Variants in EML4 observed in about 807,000 individuals in gnomAD.
EML4 encodes the protein EMAP like 4.
In EML4, 72 loss-of-function variants were observed where a neutral mutation model predicts 129.0. The ratio of observed to expected loss-of-function variants is 0.56; its 90% CI spans 0.46 to 0.68. EML4 has a LOEUF of 0.68. Among genes scored for constraint, EML4 ranks in the 30% least tolerant of loss-of-function variants. EML4 has a pLI of 0.00. For synonymous variants in EML4, 532 were observed against 405.0 expected (o/e 1.31, Z -3.77); for missense variants, 1,363 against 1,190.6 (o/e 1.14, Z -2.13).
intron 19 of EML4, among the ~76,000 whole-genome samples, chr2:42,322,315 C>T (rs1156582888): frequency 6.6e-6 from 1 of 152,192 alleles, no homozygotes; most frequent in African/African-American, 2.4e-5. Context: ...TACTTAGAAA[C>T]CACAGGGGAC....
intron 2 of EML4, among the ~76,000 whole-genome samples, chr2:42,250,210 A>G (rs1236759503): frequency 6.6e-6 from 1 of 152,248 alleles, no homozygotes; most frequent in African/African-American, 2.4e-5. Context: ...AGTGTGAAGC[A>G]TTGTAATTGC....
chr2:42,272,598 T>G (rs939883789), intron 6 of EML4, among the ~76,000 whole-genome samples: 6 of 152,216 alleles, frequency 3.9e-5, no homozygotes, highest in Non-Finnish European at 8.8e-5. Flanking sequence ...AGCACAGATT[T>G]CTAACTATGA....
chr2:42,281,108 A>G (rs1666980104), intron 7 of EML4, 135 bp downstream of exon 7: 2 of 751,144 alleles, frequency 2.7e-6, no homozygotes, highest in Admixed American at 3.4e-5. Context: ...AAAAGGAAAC[A>G]TCAGGCCAGG....
intron 1 of EML4, among the ~76,000 whole-genome samples, chr2:42,238,057 C>G (rs1022730468): frequency 6.6e-6 from 1 of 152,106 alleles, no homozygotes; most frequent in Admixed American, 6.6e-5. Flanking sequence ...ATTTCATGCA[C>G]AAAATTATTT....
intron 1 of EML4, among the ~76,000 whole-genome samples, chr2:42,206,325 C>T (rs1219039998): frequency 6.6e-6 from 1 of 152,082 alleles, no homozygotes; most frequent in East Asian, 1.9e-4. Context: ...GTGATCCTCC[C>T]ACCTCAGCCT....
intron 1 of EML4, among the ~76,000 whole-genome samples, chr2:42,213,114 C>T (rs1337866221): frequency 6.6e-6 from 1 of 152,126 alleles, no homozygotes; most frequent in Non-Finnish European, 1.5e-5. Flanking sequence ...TACAGCTTTG[C>T]CCCCACTTCT....
intron 1 of EML4, among the ~76,000 whole-genome samples, chr2:42,211,064 C>G (rs1451218415): frequency 6.6e-6 from 1 of 152,156 alleles, no homozygotes; most frequent in African/African-American, 2.4e-5. Flanking sequence ...CATCCTGTCT[C>G]CTTTGCAACT....
chr2:42,205,795 G>A (rs2103990518), intron 1 of EML4, among the ~76,000 whole-genome samples: 1 of 152,124 alleles, frequency 6.6e-6, no homozygotes, highest in South Asian at 2.1e-4. Flanking sequence ...CCCTAATTTG[G>A]CCCCAGCCTT....
intron 1 of EML4, among the ~76,000 whole-genome samples, chr2:42,228,469 G>C (rs1674117921): frequency 6.6e-6 from 1 of 152,106 alleles, no homozygotes; most frequent in Non-Finnish European, 1.5e-5. Context: ...CATGTTCTTA[G>C]AGCTTGTCAT....
In EML4 at chr2:42,171,811, G is replaced by A. The variant is rs1387760152; in HGVS notation, c.25+2175G>A. Among the ~76,000 whole-genome samples the A allele has an allele frequency of 3.3e-5, 5 of 152,254 alleles. No individual in the cohort carries two copies. The East Asian group carries it at 9.7e-4, about 29-fold the overall frequency. ...TGGGAGCTCTGTGCTTTCTCTTTCTGTCCCCCTTGCAAGAGTAAAACTAGG... is the reference window on the plus strand; with the variant it reads ...TGGGAGCTCTGTGCTTTCTCTTTCTATCCCCCTTGCAAGAGTAAAACTAGG... On this transcript the variant is annotated intron_variant, in intron 1 of 22. Transcript: ENST00000318522.
chr2:42,253,442 G>A lies in EML4; in HGVS notation c.209-3059G>A, dbSNP rs75447799. Among the ~76,000 whole-genome samples the A allele has an allele frequency of 2.0e-5, 3 of 152,182 alleles. No individual in the cohort carries two copies. The East Asian group carries it at 5.8e-4, about 29-fold the overall frequency. Reference sequence around the variant, plus strand: ...TAATAGGAAATACTTCTTTCTAATGGTACTTAAAATAATGGGGCATATTAC... The same window carrying A: ...TAATAGGAAATACTTCTTTCTAATGATACTTAAAATAATGGGGCATATTAC... On this transcript the variant is annotated intron_variant, in intron 2 of 22. Transcript: ENST00000318522.
chr2:42,244,180 C>G (rs1572616285), intron 1 of EML4, among the ~76,000 whole-genome samples: 1 of 149,380 alleles, frequency 6.7e-6, no homozygotes, highest in East Asian at 1.9e-4. Context: ...CTCACTGCAA[C>G]CTTTGCCTCC....
intron 1 of EML4, among the ~76,000 whole-genome samples, chr2:42,229,766 A>C (rs1201464072): frequency 1.3e-5 from 2 of 152,116 alleles, no homozygotes; most frequent in Admixed American, 1.3e-4. Context: ...GAGGCCCACT[A>C]ATGCGAGAAC....
At chr2:42,224,691 C>G (rs1488778079) in intron 1 of EML4, among the ~76,000 whole-genome samples, 1 of 152,012 alleles carries the variant, frequency 6.6e-6, no homozygotes, top group Non-Finnish European at 1.5e-5. Flanking sequence ...TTTCAATTTC[C>G]CCTTATCCTC....
intron 1 of EML4, among the ~76,000 whole-genome samples, chr2:42,215,321 G>C (rs1572558212): frequency 6.6e-6 from 1 of 152,240 alleles, no homozygotes; most frequent in East Asian, 1.9e-4. Flanking sequence ...CCAAAGTGCT[G>C]GGATTATAGG....
chr2:42,232,695 A>G (rs912110515), intron 1 of EML4, among the ~76,000 whole-genome samples: 1 of 151,974 alleles, frequency 6.6e-6, no homozygotes, highest in African/African-American at 2.4e-5. Context: ...GATGGCTTCT[A>G]CTTTTCTGTA....
chr2:42,284,904 A>G (rs1458102083), intron 9 of EML4, among the ~76,000 whole-genome samples: 1 of 152,176 alleles, frequency 6.6e-6, no homozygotes, highest in African/African-American at 2.4e-5. Context: ...TTGTTTTTAA[A>G]AAATAAGTGT....
intron 6 of EML4, among the ~76,000 whole-genome samples, chr2:42,274,952 G>A (rs2104438921): frequency 6.6e-6 from 1 of 152,234 alleles, no homozygotes; most frequent in Middle Eastern, 3.4e-3. Context: ...CTCTTCTACT[G>A]TACTCCCTGA....
chr2:42,262,359 G>A (rs948363156), intron 4 of EML4, among the ~76,000 whole-genome samples: 6 of 151,970 alleles, frequency 3.9e-5, no homozygotes, highest in African/African-American at 1.5e-4. Context: ...AGTTTTTCTT[G>A]GATATAGCTT....
Sources: gnomAD v4.1 joint callset for allele counts (sites outside exome capture counted in the v4.1 genomes callset) on GRCh38, gnomAD v4.1.1 for gene constraint, MANE v1.5 for transcripts, NCBI Gene and HGNC (gene_info 2026-07-23, HGNC 2026-07-21) for gene names.